The following EYS variants were observed in gnomAD, a reference collection of about 807,000 sequenced individuals.
EYS encodes protein eyes shut homolog.
EYS carries 250 observed loss-of-function variants against 282.1 expected under a neutral mutation model. The observed-to-expected ratio is 0.89, with a 90% CI of 0.80 to 0.98. The LOEUF (loss-of-function observed/expected upper bound fraction) is 0.98. Ranked by LOEUF, EYS falls within the 50% of genes least tolerant of loss-of-function variation. EYS has a pLI of 0.00. For synonymous variants in EYS, 1,355 were observed against 1,282.9 expected (o/e 1.06, Z -1.20); for missense variants, 4,016 against 3,709.0 (o/e 1.08, Z -2.15).
chr6:65,519,708 A>ATATATATATTTTTTTTTTTT (rs1554205854), intron 2 of EYS, among the ~76,000 whole-genome samples: 1 of 42,562 alleles, frequency 2.3e-5, no homozygotes. Flanking sequence ...ATATATATAT[A>ATATATATATTTTTTTTTTTT]TTTTTTTTTT....
At chr6:64,512,553 A>T (rs1444863168) in intron 26 of EYS, among the ~76,000 whole-genome samples, 2 of 151,910 alleles carry the variant, frequency 1.3e-5, no homozygotes, top group African/African-American at 4.8e-5. Flanking sequence ...TAATAAAGAG[A>T]GAAGAGAAAA....
chr6:64,458,105 G>A (rs968900778), intron 26 of EYS, among the ~76,000 whole-genome samples: 1 of 151,940 alleles, frequency 6.6e-6, no homozygotes. Context: ...AATTCATGAT[G>A]TCACAAGTTA....
chr6:65,657,073 A>C (rs1295942795), intron 1 of EYS, among the ~76,000 whole-genome samples: 1 of 151,892 alleles, frequency 6.6e-6, no homozygotes, highest in East Asian at 1.9e-4. Flanking sequence ...ATCTGTTTAC[A>C]GCATGATTTA....
At chr6:64,761,903 G>C (rs1303987770) in intron 22 of EYS, among the ~76,000 whole-genome samples, 1 of 152,206 alleles carries the variant, frequency 6.6e-6, no homozygotes, top group Non-Finnish European at 1.5e-5. Flanking sequence ...TACCTTTTGG[G>C]GGAGAAAAGG....
chr6:65,410,387 T>C (rs1202914334), intron 5 of EYS, among the ~76,000 whole-genome samples: 1 of 152,092 alleles, frequency 6.6e-6, no homozygotes, highest in Admixed American at 6.6e-5. Context: ...TTATCATTTA[T>C]TCGTGGCAAG....
intron 26 of EYS, among the ~76,000 whole-genome samples, chr6:64,559,988 A>G (rs76610748): frequency 0.03 from 4,596 of 152,060 alleles, 149 homozygotes; most frequent in East Asian, 0.11. Flanking sequence ...TCTAGCTCCC[A>G]CTTATAAGTG....
intron 1 of EYS, among the ~76,000 whole-genome samples, chr6:65,647,649 A>T (rs1001127203): frequency 3.9e-5 from 6 of 152,208 alleles, no homozygotes; most frequent in Non-Finnish European, 8.8e-5. Flanking sequence ...ATGCCACAAA[A>T]ACAAAGATAT....
chr6:65,523,230 A>G (rs969402512), intron 2 of EYS, among the ~76,000 whole-genome samples: 3 of 152,186 alleles, frequency 2.0e-5, no homozygotes, highest in Non-Finnish European at 4.4e-5. Flanking sequence ...CAACATATAC[A>G]TACCTCAAAA....
intron 26 of EYS, among the ~76,000 whole-genome samples, chr6:64,468,002 G>A (rs1041770198): frequency 6.6e-6 from 1 of 151,912 alleles, no homozygotes; most frequent in Non-Finnish European, 1.5e-5. Flanking sequence ...GGGGGTCAAG[G>A]GACTAATTCA....
intron 12 of EYS, among the ~76,000 whole-genome samples, chr6:65,242,083 A>G (rs973809655): frequency 6.6e-6 from 1 of 152,270 alleles, no homozygotes; most frequent in East Asian, 1.9e-4. Context: ...CCATTACACT[A>G]TTAAAAAATA....
chr6:64,126,189 C>T (rs1181401805), intron 31 of EYS, among the ~76,000 whole-genome samples: 1 of 151,894 alleles, frequency 6.6e-6, no homozygotes, highest in Non-Finnish European at 1.5e-5. Flanking sequence ...TTTGACCCAG[C>T]GATCCCATTA....
At chr6:65,295,546 G>A (rs1185456521) in intron 12 of EYS, among the ~76,000 whole-genome samples, 1 of 151,904 alleles carries the variant, frequency 6.6e-6, no homozygotes, top group Non-Finnish European at 1.5e-5. Context: ...AAGCTGTTTA[G>A]GCAAAATTAT....
chr6:65,374,927 C>A (rs542448602), intron 8 of EYS, among the ~76,000 whole-genome samples: 2 of 152,130 alleles, frequency 1.3e-5, no homozygotes, highest in Non-Finnish European at 2.9e-5. Flanking sequence ...GACAGAGAAC[C>A]TGGGGGAAGG....
intron 26 of EYS, among the ~76,000 whole-genome samples, chr6:64,518,969 G>A (rs915817169): frequency 6.6e-5 from 10 of 151,800 alleles, no homozygotes; most frequent in Non-Finnish European, 1.5e-4. Flanking sequence ...AGCAGTGTGA[G>A]AACGGACTAC....
intron 11 of EYS, chr6:65,332,154 T>C: frequency 2.1e-6 from 1 of 486,096 alleles, no homozygotes; most frequent in South Asian, 3.5e-5. Flanking sequence ...TCTTATCAGA[T>C]TGTGGAAGTT....
chr6:64,980,334 G>A (rs147729881), intron 14 of EYS, among the ~76,000 whole-genome samples: 1 of 151,484 alleles, frequency 6.6e-6, no homozygotes, highest in African/African-American at 2.4e-5. Context: ...GTCATCAACA[G>A]AATATATGGC....
intron 13 of EYS, among the ~76,000 whole-genome samples, chr6:65,053,457 T>G (rs201261827): frequency 6.6e-5 from 5 of 75,548 alleles, no homozygotes; most frequent in East Asian, 6.5e-4. Flanking sequence ...TACAATGGGG[T>G]AAGAGTCATC....
chr6:64,519,948 T>C (rs1777679011), intron 26 of EYS, among the ~76,000 whole-genome samples: 1 of 151,784 alleles, frequency 6.6e-6, no homozygotes, highest in Non-Finnish European at 1.5e-5. Context: ...ACTACTACCA[T>C]ATGCAAAATG....
intron 5 of EYS, among the ~76,000 whole-genome samples, chr6:65,452,046 G>A (rs1459882816): frequency 6.6e-6 from 1 of 151,516 alleles, no homozygotes; most frequent in Non-Finnish European, 1.5e-5. Flanking sequence ...ATGCTTAAAT[G>A]CAACTATTAG....
Sources: allele counts gnomAD v4.1 joint callset (sites outside exome capture counted in the v4.1 genomes callset), GRCh38; gene constraint gnomAD v4.1.1; transcripts MANE v1.5; gene names NCBI Gene and HGNC (gene_info 2026-07-23, HGNC 2026-07-21).